EXT1: variants seen among roughly 807,000 people sequenced by gnomAD.
The protein encoded by EXT1 is exostosin glycosyltransferase 1.
A neutral mutation model predicts 82.5 loss-of-function variants in EXT1; 20 were observed. That is an observed-to-expected ratio of 0.24 (90% confidence interval 0.17 to 0.35). The LOEUF is 0.35. EXT1 is among the 10% of genes least tolerant of loss of function. The probability of loss-of-function intolerance (pLI) is 1.00; values close to 1 mark genes in which losing one functional copy is unlikely to be tolerated. For synonymous variants in EXT1, 348 were observed against 350.8 expected, an observed-to-expected ratio of 0.99 and a Z score of 0.09; for missense variants, 757 against 936.5, an observed-to-expected ratio of 0.81 and a Z score of 2.50.
intron 8 of EXT1, 62 bp downstream of exon 8, chr8:117,812,810 C>G: frequency 7.1e-7 from 1 of 1,400,976 alleles, no homozygotes. Flanking sequence ...GCATTAGCAT[C>G]GTGCAACATG....
At position 118,110,816 on chromosome 8, in the gene EXT1, G is replaced by A. The variant is rs768341134; in HGVS notation, c.231C>T (p.Ser77=). ...GCTTCTGCCGGGGGGAAATGTGCAC[G>A]CTGGAATCCTCGTTTTCCAATTGAT... ...PWDQLENEDS[S]VHISPRQKRD... is the part of the protein sequence containing the mutation. Residue 77 remains serine, a synonymous_variant, in exon 1 of 11, where the codon AGC becomes AGT. Transcript: ENST00000378204. 1 of 1,612,868 alleles carries A rather than the reference G, an allele frequency of 6.2e-7. No homozygotes were observed. Among genetic ancestry groups the A allele is most frequent in the Non-Finnish European group, 8.5e-7 (1 of 1,179,120 alleles).
chr8:117,963,885 ATGTG>A (rs1410939535), intron 1 of EXT1, among the ~76,000 whole-genome samples: 3 of 152,156 alleles, frequency 2.0e-5, no homozygotes, highest in Non-Finnish European at 4.4e-5. Context: ...CAAGAGGATG[ATGTG>A]TGTGTTTGTT....
chr8:117,882,243 GCTA>G (rs982509287), intron 1 of EXT1, among the ~76,000 whole-genome samples: 52 of 152,226 alleles, frequency 3.4e-4, no homozygotes, highest in African/African-American at 1.3e-3. Flanking sequence ...ACCATACCCA[GCTA>G]CTTTTTTGTC....
intron 1 of EXT1, among the ~76,000 whole-genome samples, chr8:117,992,222 T>A (rs1158301557): frequency 1.3e-5 from 2 of 151,960 alleles, no homozygotes; most frequent in Non-Finnish European, 2.9e-5. Context: ...TAAACATGGC[T>A]CAGGTCTCTT....
At chr8:117,983,065 C>T (rs1172325417) in intron 1 of EXT1, among the ~76,000 whole-genome samples, 1 of 152,216 alleles carries the variant, frequency 6.6e-6, no homozygotes, top group Admixed American at 6.5e-5. Context: ...GTTTCTCTCT[C>T]CCGAACAAGA....
chr8:118,099,200 C>G (rs1316723355), intron 1 of EXT1, among the ~76,000 whole-genome samples: 1 of 152,192 alleles, frequency 6.6e-6, no homozygotes, highest in Non-Finnish European at 1.5e-5. Flanking sequence ...CACATTCATT[C>G]CTGAGGAGGG....
intron 1 of EXT1, among the ~76,000 whole-genome samples, chr8:117,841,945 G>A (rs1812281612): frequency 6.6e-6 from 1 of 152,176 alleles, no homozygotes; most frequent in African/African-American, 2.4e-5. Flanking sequence ...TTCTCAAAGT[G>A]TGTTCTTCCA....
intron 1 of EXT1, among the ~76,000 whole-genome samples, chr8:117,909,407 C>T (rs988677075): frequency 9.9e-5 from 15 of 152,144 alleles, no homozygotes; most frequent in Admixed American, 2.6e-4. Context: ...GGAGAACCAA[C>T]ATCTTTTAAA....
chr8:118,049,159 A>T (rs1017178999), intron 1 of EXT1, among the ~76,000 whole-genome samples: 3 of 152,248 alleles, frequency 2.0e-5, no homozygotes, highest in Non-Finnish European at 4.4e-5. Context: ...ATATATTTCA[A>T]TGGCTACAAA....
At chr8:118,047,797 A>C (rs1816646234) in intron 1 of EXT1, among the ~76,000 whole-genome samples, 1 of 152,162 alleles carries the variant, frequency 6.6e-6, no homozygotes, top group Non-Finnish European at 1.5e-5. Context: ...GCAACCCTAC[A>C]TTCACCTGTC....
In EXT1 at chr8:117,980,710, T is replaced by G. The variant is rs1432797324; in HGVS notation, c.962+129375A>C. Reference sequence around the variant, plus strand: ...TCGGGTGTTGGTGGTTTTTTTTTTTTTTTTTTTTTTTTTTTTTTTTTCCAG... The same window carrying G: ...TCGGGTGTTGGTGGTTTTTTTTTTTGTTTTTTTTTTTTTTTTTTTTTCCAG... On this transcript the variant is annotated intron_variant, in intron 1 of 10. Coordinates refer to ENST00000378204, the MANE Select transcript of EXT1 (RefSeq NM_000127.3). Among the ~76,000 whole-genome samples, 112 of 40,962 alleles carry G rather than the reference T, an allele frequency of 2.7e-3. 4 individuals carry two copies. The highest frequency in any genetic ancestry group is 0.012 in the African/African-American group (82 of 7,012). The allele number at this position is 40,962 out of a possible 152,430, so 26.9% of individuals were successfully genotyped here. A position where few individuals can be genotyped will look rare whatever the true frequency, so the allele number is the denominator to read the frequency against.
chr8:117,929,009 C>A (rs990438346), intron 1 of EXT1, among the ~76,000 whole-genome samples: 2 of 152,136 alleles, frequency 1.3e-5, no homozygotes, highest in Non-Finnish European at 2.9e-5. Flanking sequence ...GATAGTGGAT[C>A]ATTTGCATTA....
chr8:118,110,927 G>A lies in EXT1; in HGVS notation c.120C>T (p.His40=), dbSNP rs1428925475. 6.2e-7 allele frequency: 1 copy of A among 1,613,974 alleles called. No individual in the cohort carries two copies. Residue 40 remains histidine (H), a synonymous_variant, in exon 1 of 11, where the codon CAC becomes CAT. Coordinates refer to ENST00000378204, the MANE Select transcript of EXT1 (RefSeq NM_000127.3). ...GGTGGTGCAAGCCATTCCTACCGCT[G>A]TGTTCTTCTCTCCGGCTGTGGCTCC... ...ASRSHSRREE[H]SGRNGLHHPS...
chr8:117,858,998 A>C (rs2129857124), intron 1 of EXT1, among the ~76,000 whole-genome samples: 1 of 152,334 alleles, frequency 6.6e-6, no homozygotes, highest in Non-Finnish European at 1.5e-5. Context: ...CAGCAAAATG[A>C]TTATGGCTCA....
At chr8:117,872,059 T>A (rs1812882879) in intron 1 of EXT1, among the ~76,000 whole-genome samples, 1 of 150,446 alleles carries the variant, frequency 6.6e-6, no homozygotes, top group African/African-American at 2.5e-5. Flanking sequence ...TTGGGCTCAG[T>A]AGCTCAGTAG....
At chr8:117,952,105 A>T (rs1039793398) in intron 1 of EXT1, among the ~76,000 whole-genome samples, 1 of 152,224 alleles carries the variant, frequency 6.6e-6, no homozygotes, top group African/African-American at 2.4e-5. Context: ...ACACATAAAA[A>T]CACAGCTCCT....
intron 1 of EXT1, among the ~76,000 whole-genome samples, chr8:118,028,614 A>G (rs1816244533): frequency 6.6e-6 from 1 of 151,990 alleles, no homozygotes; most frequent in African/African-American, 2.4e-5. Flanking sequence ...GTCAATTATA[A>G]AAAGGAAAAA....
chr8:117,813,440 G>A (rs143505359), intron 7 of EXT1, among the ~76,000 whole-genome samples: 4 of 152,232 alleles, frequency 2.6e-5, no homozygotes, highest in African/African-American at 9.6e-5. Flanking sequence ...AGATGCAGAG[G>A]CACTGAGCAG....
intron 1 of EXT1, among the ~76,000 whole-genome samples, chr8:117,922,206 T>A (rs539866030): frequency 1.3e-5 from 2 of 152,294 alleles, no homozygotes; most frequent in Non-Finnish European, 1.5e-5. Flanking sequence ...AATTTCTAAA[T>A]TCCCAAGTGT....
Sources: gnomAD v4.1 joint callset for allele counts (sites outside exome capture counted in the v4.1 genomes callset) on GRCh38, gnomAD v4.1.1 for gene constraint, MANE v1.5 for transcripts, NCBI Gene and HGNC (gene_info 2026-07-23, HGNC 2026-07-21) for gene names.